The following C6orf52 variants were observed in gnomAD, a reference collection of about 807,000 sequenced individuals.
C6orf52 encodes putative uncharacterized protein C6orf52.
In C6orf52, 16 loss-of-function variants were observed where a neutral mutation model predicts 16.6. That is an observed-to-expected ratio of 0.96 (90% CI 0.65 to 1.46). C6orf52 has a LOEUF of 1.46. Among genes scored for constraint, C6orf52 ranks in the 40% most tolerant of loss-of-function variants. The probability of loss-of-function intolerance (pLI) is 0.00; values close to 1 mark genes in which losing one functional copy is unlikely to be tolerated. For synonymous variants in C6orf52, 53 were observed against 61.4 expected (o/e 0.86, Z 0.64); for missense variants, 166 against 182.3 (o/e 0.91, Z 0.52).
At chr6:10,683,259 A>C (rs1561875053) in intron 3 of C6orf52, 27 bp from the exon 4 acceptor site, 1 of 1,478,980 alleles carries the variant, frequency 6.8e-7, no homozygotes, top group Non-Finnish European at 9.2e-7. Flanking sequence ...TCTCATGAGA[A>C]AATAATTTTA....
Position 10,671,632 on chromosome 6 carries a change from G to A in C6orf52, c.317-34C>T, listed in dbSNP as rs982035888. ...GCCAATAATGGATATGAAAAAAATA[G>A]AGTTTTACAGGACACATACTAGAAA... On this transcript the variant is annotated intron_variant, in intron 4 of 4. Coordinates refer to ENST00000259983, the MANE Select transcript of C6orf52 (RefSeq NM_001145020.3). 34 of 1,427,532 alleles carry A rather than the reference G, an allele frequency of 2.4e-5. No individual in the cohort carries two copies. In the East Asian group the frequency reaches 8.1e-4, roughly 34 times the overall value. 88.4% of individuals were successfully genotyped at this position (1,427,532 alleles called of 1,614,324 possible).
intron 1 of C6orf52, among the ~76,000 whole-genome samples, chr6:10,688,140 T>C (rs929808725): frequency 6.6e-6 from 1 of 152,096 alleles, no homozygotes; most frequent in Non-Finnish European, 1.5e-5. Flanking sequence ...CCTCTTCTCT[T>C]ACGCTCTACA....
intron 4 of C6orf52, 65 bp from the exon 5 acceptor site, chr6:10,671,663 T>A: frequency 9.0e-7 from 1 of 1,108,770 alleles, no homozygotes; most frequent in Non-Finnish European, 1.2e-6. Context: ...AGAAATAGTT[T>A]AAAATTAGAA....
intron 1 of C6orf52, among the ~76,000 whole-genome samples, chr6:10,690,557 C>T (rs148527506): frequency 6.6e-5 from 10 of 152,226 alleles, no homozygotes; most frequent in Admixed American, 2.6e-4. Context: ...TCTACTGTGT[C>T]CTGCTTGTAC....
intron 1 of C6orf52, among the ~76,000 whole-genome samples, chr6:10,692,665 T>C (rs1769439400): frequency 6.6e-6 from 1 of 152,174 alleles, no homozygotes; most frequent in African/African-American, 2.4e-5. Context: ...GGTCTCGATC[T>C]CTTGATCTCG....
At chr6:10,677,578 C>T (rs1252422431) in intron 4 of C6orf52, among the ~76,000 whole-genome samples, 1 of 150,826 alleles carries the variant, frequency 6.6e-6, no homozygotes, top group Non-Finnish European at 1.5e-5. Flanking sequence ...GTCACCCAGG[C>T]TGGAGTGCAG....
Position 10,694,490 on chromosome 6 carries a change from T to C in C6orf52, c.-12+4A>G, listed in dbSNP as rs1769681648. The C allele has an allele frequency of 6.4e-6, 1 of 156,494 alleles. No individual in the cohort carries two copies. Among genetic ancestry groups the C allele is most frequent in the Non-Finnish European group, 1.4e-5 (1 of 69,936 alleles). 9.7% of individuals were successfully genotyped at this position (156,494 alleles called of 1,614,324 possible). ...CCGCGAACCCTAATCCCACCCCTCC[T>C]TACCCTATTAACGACAGAAAGCCTC... On this transcript the variant is annotated splice_donor_region_variant and intron_variant, in intron 1 of 4. Transcript: ENST00000259983.
In C6orf52 at chr6:10,672,423, AT is replaced by A. The variant is rs539197851; in HGVS notation, c.317-826del. 284 of 520,012 alleles carry A rather than the reference AT, an allele frequency of 5.5e-4. 4 individuals carry two copies. The East Asian group carries it at 7.7e-3, about 14-fold the overall frequency. The allele number at this position is 520,012 out of a possible 1,614,324, so 32.2% of individuals were successfully genotyped here. A position where few individuals can be genotyped will look rare whatever the true frequency, so the allele number is the denominator to read the frequency against. ...TTCTGTTAAAAGCCTAACCCCCACAATGTGAAGGCATTTGGAGATGGGGCCT... is the reference window on the plus strand; with the variant it reads ...TTCTGTTAAAAGCCTAACCCCCACAAGTGAAGGCATTTGGAGATGGGGCCT... On this transcript the variant is annotated intron_variant, in intron 4 of 4. Transcript: ENST00000259983.
At chr6:10,694,675 G>A (rs1445715279), upstream of C6orf52, 10 of 276,170 alleles carry the variant, frequency 3.6e-5, no homozygotes, top group Middle Eastern at 1.2e-3. Flanking sequence ...TGTCCCGCCC[G>A]CTCCCTTCAG....
At chr6:10,689,128 C>T (rs924638954) in intron 1 of C6orf52, among the ~76,000 whole-genome samples, 7 of 152,142 alleles carry the variant, frequency 4.6e-5, no homozygotes, top group Non-Finnish European at 1.0e-4. Context: ...CAGGTGCCCA[C>T]CACCACGCCT....
At chr6:10,694,742 C>T (rs901359297), upstream of C6orf52, 22 of 419,800 alleles carry the variant, frequency 5.2e-5, no homozygotes, top group African/African-American at 4.1e-4. Flanking sequence ...TTTTTTTCTC[C>T]TTGCAGTGAG....
chr6:10,680,202 A>T (rs1768253264), intron 4 of C6orf52, among the ~76,000 whole-genome samples: 1 of 151,314 alleles, frequency 6.6e-6, no homozygotes, highest in African/African-American at 2.4e-5. Flanking sequence ...TGCAGCCGAG[A>T]TCACGGCACT....
chr6:10,683,244 T>C lies in C6orf52; in HGVS notation c.271-12A>G. On this transcript the variant is annotated splice_polypyrimidine_tract_variant and intron_variant, in intron 3 of 4. Transcript: ENST00000259983. ...AGAGGTGTGGTTTCCTGCAACAAAA[T>C]ATTATCTCATGAGAAAATAATTTTA... 1 of 1,522,094 alleles carries C rather than the reference T, an allele frequency of 6.6e-7. No individual in the cohort carries two copies. Among genetic ancestry groups the C allele is most frequent in the South Asian group, 1.2e-5 (1 of 82,364 alleles). The allele number at this position is 1,522,094 out of a possible 1,614,324, so 94.3% of individuals were successfully genotyped here.
At chr6:10,692,553 GCCTCAC>G (rs1311318404) in intron 1 of C6orf52, among the ~76,000 whole-genome samples, 2 of 151,946 alleles carry the variant, frequency 1.3e-5, no homozygotes, top group African/African-American at 4.8e-5. Context: ...CGATTCTCCC[GCCTCAC>G]CCTCCCGAGT....
chr6:10,678,761 T>A (rs1365234409), intron 4 of C6orf52, among the ~76,000 whole-genome samples: 1 of 151,928 alleles, frequency 6.6e-6, no homozygotes, highest in Non-Finnish European at 1.5e-5. Context: ...CTGGGCAACA[T>A]AGTAAGACCT....
At chr6:10,672,300 G>A (rs1313393515) in intron 4 of C6orf52, among the ~76,000 whole-genome samples, 1 of 152,108 alleles carries the variant, frequency 6.6e-6, no homozygotes, top group Middle Eastern at 3.2e-3. Flanking sequence ...GCAAGCCTTA[G>A]TTCCTTGAGG....
chr6:10,671,622 G>A (rs1561862585), intron 4 of C6orf52, 24 bp from the exon 5 acceptor site: 4 of 1,477,182 alleles, frequency 2.7e-6, no homozygotes, highest in Non-Finnish European at 3.6e-6. Context: ...TAATGGATAT[G>A]AAAAAAATAG....
chr6:10,681,297 A>T (rs1349942302), intron 4 of C6orf52, among the ~76,000 whole-genome samples: 2 of 152,138 alleles, frequency 1.3e-5, no homozygotes, highest in Non-Finnish European at 2.9e-5. Context: ...TTTCTGTGAT[A>T]TCAGTTGTAA....
chr6:10,694,142 C>A (rs1044186194), intron 1 of C6orf52, among the ~76,000 whole-genome samples: 4 of 151,822 alleles, frequency 2.6e-5, no homozygotes, highest in Non-Finnish European at 5.9e-5. Context: ...TGCCTGTAAT[C>A]CCAGCTACTC....
Sources: allele counts gnomAD v4.1 joint callset (sites outside exome capture counted in the v4.1 genomes callset), GRCh38; gene constraint gnomAD v4.1.1; transcripts MANE v1.5; gene names NCBI Gene and HGNC (gene_info 2026-07-23, HGNC 2026-07-21).